Variants in C6 observed in about 807,000 individuals in gnomAD.
The protein encoded by C6 is complement component C6.
In C6, 101 loss-of-function variants were observed where a neutral mutation model predicts 112.9. The observed-to-expected ratio is 0.89, with a 90% CI of 0.76 to 1.06. C6 has a LOEUF of 1.06. C6 is among the 50% of genes least tolerant of loss of function. The pLI, the probability that C6 is intolerant of heterozygous loss-of-function variation, is 0.00. For missense variants in C6, 1,202 were observed against 1,104.6 expected (o/e 1.09, Z -1.25); for synonymous variants, 431 against 384.1 (o/e 1.12, Z -1.43).
chr5:41,259,026 A>C (rs1433726137), intron 1 of C6, among the ~76,000 whole-genome samples: 1 of 152,186 alleles, frequency 6.6e-6, no homozygotes, highest in Non-Finnish European at 1.5e-5. Context: ...ATATACAGTG[A>C]GATCAACTAA....
chr5:41,198,070 G>C (rs1202294234), intron 4 of C6, among the ~76,000 whole-genome samples: 2 of 152,046 alleles, frequency 1.3e-5, no homozygotes, highest in African/African-American at 2.4e-5. Context: ...CTTAAAATTA[G>C]GACTCTGAAA....
intron 1 of C6, among the ~76,000 whole-genome samples, chr5:41,222,214 T>C (rs577681914): frequency 6.6e-6 from 1 of 151,880 alleles, no homozygotes; most frequent in East Asian, 1.9e-4. Context: ...TTATTTTACT[T>C]TTGCTCAAAG....
intron 3 of C6, among the ~76,000 whole-genome samples, chr5:41,200,204 T>C (rs537508573): frequency 6.6e-6 from 1 of 152,294 alleles, no homozygotes; most frequent in Admixed American, 6.5e-5. Flanking sequence ...AATATATAAA[T>C]GTTTGCTGAG....
rs759621685 is a variant in C6 at position 41,199,920 on chromosome 5, G to A, written c.301-8C>T. On this transcript the variant is annotated splice_region_variant and splice_polypyrimidine_tract_variant and intron_variant, in intron 3 of 17. Transcript: ENST00000337836. ...GACAGATCTAACTTTAGACTGAAAG[G>A]AAAGAAGAGAAAGATATAACTCTGA... The A allele has an allele frequency of 3.1e-6, 5 of 1,613,282 alleles. No individual in the cohort carries two copies. The highest frequency in any genetic ancestry group is 1.1e-5 in the South Asian group (1 of 91,060).
chr5:41,200,891 G>GTT (rs143443464), intron 3 of C6, among the ~76,000 whole-genome samples: 1,701 of 70,550 alleles, frequency 0.024, 161 homozygotes, highest in East Asian at 0.12. Context: ...TGTTGTTGTT[G>GTT]TTTTTTTTTT....
intron 6 of C6, among the ~76,000 whole-genome samples, chr5:41,182,864 G>A (rs1259405760): frequency 6.6e-6 from 1 of 152,212 alleles, no homozygotes; most frequent in Non-Finnish European, 1.5e-5. Context: ...TTAAAGATTA[G>A]CTCAGGTAGC....
chr5:41,155,090 T>G lies in C6; in HGVS notation c.1983A>C (p.Leu661=). 1 of 1,613,516 alleles carries G rather than the reference T, an allele frequency of 6.2e-7. No individual in the cohort carries two copies. The highest frequency in any genetic ancestry group is 8.5e-7 in the Non-Finnish European group (1 of 1,179,568). Residue 661 remains leucine, a synonymous_variant, in exon 14 of 18, where the codon CTA becomes CTC. Transcript: ENST00000337836. ...TTTCAACATCTTCTCCAACCAAGTA[T>G]AGTTGCTTTTCATTCTTAATTAAAG... ...ENGFIRNEKQ[L]YLVGEDVEIS... is the part of the protein sequence containing the mutation.
At chr5:41,255,301 C>T (rs955190777) in intron 1 of C6, among the ~76,000 whole-genome samples, 17 of 150,468 alleles carry the variant, frequency 1.1e-4, no homozygotes, top group African/African-American at 3.9e-4. Context: ...GCGGCGGCCG[C>T]AGTGAGCCGA....
chr5:41,158,969 G>T, intron 12 of C6, 113 bp downstream of exon 12: 2 of 1,338,584 alleles, frequency 1.5e-6, no homozygotes, highest in Non-Finnish European at 2.1e-6. Context: ...TGTTGGCATA[G>T]GTAAAGTTCT....
intron 1 of C6, among the ~76,000 whole-genome samples, chr5:41,247,308 AGTC>A (rs1741080103): frequency 6.6e-6 from 1 of 152,180 alleles, no homozygotes; most frequent in Non-Finnish European, 1.5e-5. Context: ...CTCCTCCAAA[AGTC>A]TCCTGGAATG....
chr5:41,241,002 C>A (rs893102126), intron 1 of C6, among the ~76,000 whole-genome samples: 1 of 152,290 alleles, frequency 6.6e-6, no homozygotes, highest in African/African-American at 2.4e-5. Flanking sequence ...CAGGGCAAGA[C>A]AACTTCCCAG....
intron 6 of C6, among the ~76,000 whole-genome samples, chr5:41,185,574 A>C (rs948192701): frequency 3.3e-5 from 5 of 152,214 alleles, no homozygotes; most frequent in Non-Finnish European, 7.3e-5. Flanking sequence ...AAAGAAACAA[A>C]TAAACCAAAC....
chr5:41,259,949 G>A (rs998772780), intron 1 of C6, among the ~76,000 whole-genome samples: 1 of 152,132 alleles, frequency 6.6e-6, no homozygotes, highest in Non-Finnish European at 1.5e-5. Context: ...AGCCTGGGCT[G>A]TCCCCACACA....
intron 9 of C6, among the ~76,000 whole-genome samples, chr5:41,164,697 T>G (rs950071284): frequency 1.3e-5 from 2 of 152,196 alleles, no homozygotes; most frequent in African/African-American, 4.8e-5. Flanking sequence ...TCTCTAACTT[T>G]GCAATGTCCT....
chr5:41,241,563 A>G (rs1740714509), intron 1 of C6, among the ~76,000 whole-genome samples: 2 of 152,232 alleles, frequency 1.3e-5, no homozygotes, highest in Admixed American at 1.3e-4. Context: ...ATGGTTGGAG[A>G]ACAAGAAAGC....
chr5:41,153,862 G>T lies in C6; in HGVS notation c.2238C>A (p.Cys746Ter). 1 of 1,613,642 alleles carries T rather than the reference G, an allele frequency of 6.2e-7. No individual in the cohort carries two copies. Among genetic ancestry groups the T allele is most frequent in the Non-Finnish European group, 8.5e-7 (1 of 1,179,792 alleles). ...TGGGTGGTGTCCAGGAATTCCCCTG[G>T]CATGTGTACCTTGATGGCCCAGCAA... ...FVVAGPSRYT[C>*]QGNSWTPPIS... Residue 746 changes from cysteine (C) to a stop codon, truncating the protein, a stop_gained, in exon 15 of 18, where the codon TGC becomes TGA. Transcript: ENST00000337836. LOFTEE classifies it high-confidence loss of function.
chr5:41,212,627 A>G (rs1307968119), intron 1 of C6, among the ~76,000 whole-genome samples: 3 of 152,182 alleles, frequency 2.0e-5, no homozygotes, highest in Non-Finnish European at 2.9e-5. Flanking sequence ...CAATTTTCAT[A>G]CAAACATAGA....
At position 41,159,180 on chromosome 5, in the gene C6, G is replaced by T. The variant is rs1342558303; in HGVS notation, c.1758C>A (p.Thr586=). The change falls in exon 12 of 18, where the codon ACC becomes ACA. Residue 586 remains threonine, a synonymous_variant. Transcript: ENST00000337836. The stretch of plus-strand genomic sequence containing the variant: ...GGGGGGCAGGATTATTGCATTCTCG[G>T]GTTCTCGATCTCTTATAAGTAGCAT... ...TCDATYKRSR[T]RECNNPAPQR... The T allele has an allele frequency of 3.1e-6, 5 of 1,613,496 alleles. No homozygotes were observed. Among genetic ancestry groups the T allele is most frequent in the South Asian group, 1.1e-5 (1 of 91,068 alleles).
chr5:41,255,020 A>C (rs1283091129), intron 1 of C6, among the ~76,000 whole-genome samples: 1 of 152,216 alleles, frequency 6.6e-6, no homozygotes, highest in African/African-American at 2.4e-5. Flanking sequence ...TCAACTTCCC[A>C]GAGAACAAAT....
Sources: gnomAD v4.1 joint callset for allele counts (sites outside exome capture counted in the v4.1 genomes callset) on GRCh38, gnomAD v4.1.1 for gene constraint, MANE v1.5 for transcripts, NCBI Gene and HGNC (gene_info 2026-07-23, HGNC 2026-07-21) for gene names.